COL16A1: variants seen among roughly 807,000 people sequenced by gnomAD.
COL16A1 encodes the protein collagen type XVI alpha 1 chain.
Under a neutral mutation model 266.3 loss-of-function variants are expected in COL16A1, and 189 were observed. The observed-to-expected ratio is 0.71, with a 90% confidence interval of 0.63 to 0.80. The LOEUF is 0.80. Ranked by LOEUF, COL16A1 falls within the 30% of genes least tolerant of loss-of-function variation. COL16A1 has a pLI of 0.00. For synonymous variants in COL16A1, 740 were observed against 782.3 expected (o/e 0.95, Z 0.90); for missense variants, 1,928 against 2,122.4 (o/e 0.91, Z 1.80).
At chr1:31,654,913 C>G in intron 67 of COL16A1, 55 bp from the exon 68 acceptor site, 1 of 1,605,768 alleles carries the variant, frequency 6.2e-7, no homozygotes, top group South Asian at 1.1e-5. Context: ...TGGCATTTTC[C>G]CCTATGGAAA....
chr1:31,702,061 C>T, intron 2 of COL16A1, 60 bp downstream of exon 2: 1 of 1,611,794 alleles, frequency 6.2e-7, no homozygotes, highest in Non-Finnish European at 8.5e-7. Flanking sequence ...GCAAGGACCC[C>T]AGCACCCCAG....
chr1:31,690,653 C>A, intron 20 of COL16A1, 80 bp from the exon 21 acceptor site: 1 of 1,558,310 alleles, frequency 6.4e-7, no homozygotes, highest in Non-Finnish European at 8.7e-7. Context: ...CACCCGTGCC[C>A]CTCTGTGATG....
At chr1:31,661,800 T>C in intron 58 of COL16A1, 96 bp from the exon 59 acceptor site, 1 of 1,310,652 alleles carries the variant, frequency 7.6e-7, no homozygotes. Flanking sequence ...CCTCCCCAGC[T>C]ATCCTAAGAT....
chr1:31,663,053 T>G lies in COL16A1; in HGVS notation c.3556-395A>C. ...TCCTCCCCACCTACCTCCCTACCTT[T>G]CCCCCCATCCCAGCAGACATGGGCC... On this transcript the variant is annotated intron_variant, in intron 56 of 70. Transcript: ENST00000373672. The surrounding 1 kb of genome is among the most constrained non-coding windows in gnomAD (Gnocchi z 4.9). The G allele has an allele frequency of 4.2e-6, 1 of 239,002 alleles. No homozygotes were observed. Among genetic ancestry groups the G allele is most frequent in the Non-Finnish European group, 8.3e-6 (1 of 119,884 alleles). 14.8% of individuals were successfully genotyped at this position (239,002 alleles called of 1,614,324 possible). A position where few individuals can be genotyped will look rare whatever the true frequency, so the allele number is the denominator to read the frequency against.
Position 31,653,669 on chromosome 1 carries a change from A to T in COL16A1, c.4542T>A (p.Pro1514=), listed in dbSNP as rs777773138. Residue 1514 remains proline, a synonymous_variant, in exon 70 of 71, where the codon CCT becomes CCA. Transcript: ENST00000373672. ...RQGLPGVRGL[P]GTKGEKGDIG... The stretch of plus-strand genomic sequence containing the variant: ...TGTCCCCTTTTTCACCTTTGGTACC[A>T]GGCAATCCTGGAACAAAAGAAATAA... The T allele has an allele frequency of 3.1e-6, 5 of 1,613,220 alleles. No homozygotes were observed. The Admixed American group carries it at 8.4e-5, about 27-fold the overall frequency.
Position 31,691,646 on chromosome 1 carries a change from T to TG in COL16A1, c.1258-5dup. ...CACAGATCTCTCCTGGCCGGCCCTG[T>TG]GGGGGGATAAGGGGGAGGGTGTACA... On this transcript the variant is annotated splice_region_variant and splice_polypyrimidine_tract_variant and intron_variant, in intron 17 of 70. Transcript: ENST00000373672. 1 of 1,613,078 alleles carries TG rather than the reference T, an allele frequency of 6.2e-7. No homozygotes were observed. The highest frequency in any genetic ancestry group is 1.7e-5 in the Admixed American group (1 of 59,946).
At chr1:31,703,530 G>T (rs528129151) in intron 1 of COL16A1, among the ~76,000 whole-genome samples, 5 of 152,270 alleles carry the variant, frequency 3.3e-5, no homozygotes, top group Admixed American at 3.3e-4. Flanking sequence ...GAGGCGTGAG[G>T]ATGGATGTGA....
chr1:31,664,079 T>C lies in COL16A1; in HGVS notation c.3555+1093A>G, dbSNP rs1396106326. 4.0e-5 allele frequency among the ~76,000 whole-genome samples: 6 copies of C among 149,690 alleles called. No individual in the cohort carries two copies. Among genetic ancestry groups the C allele is most frequent in the Admixed American group, 6.7e-5 (1 of 14,932 alleles). On this transcript the variant is annotated intron_variant, in intron 56 of 70. Coordinates refer to ENST00000373672, the MANE Select transcript of COL16A1 (RefSeq NM_001856.4). The surrounding 1 kb of genome is among the most constrained non-coding windows in gnomAD (Gnocchi z 5.5). Reference sequence around the variant, plus strand: ...ACTGGCAGTTGGGATGAAGAACCACTGGCCAGAGGTTTGGGATTCTCTGCA... The same window carrying C: ...ACTGGCAGTTGGGATGAAGAACCACCGGCCAGAGGTTTGGGATTCTCTGCA...
At chr1:31,691,052 A>G in intron 20 of COL16A1, 136 bp downstream of exon 20, 2 of 1,401,662 alleles carry the variant, frequency 1.4e-6, no homozygotes, top group Non-Finnish European at 1.9e-6. Flanking sequence ...GGCCAAGCCG[A>G]GCCCAGCCTC....
Position 31,661,664 on chromosome 1 carries a change from G to A in COL16A1, c.3722C>T (p.Pro1241Leu), listed in dbSNP as rs753757431. 8.1e-6 allele frequency: 13 copies of A among 1,613,202 alleles called. No individual in the cohort carries two copies. Among genetic ancestry groups the A allele is most frequent in the Non-Finnish European group, 9.3e-6 (11 of 1,179,720 alleles). The change falls in exon 59 of 71, where the codon CCA (proline) becomes CTA (leucine). Residue 1241 changes from proline (P) to leucine (L), a missense_variant. Pro to Leu is a moderately conservative substitution (Grantham distance 98). Transcript: ENST00000373672. ...CCTTCCTGCAGCTCAACTTACCGGTGGTCCCATGAGTCCAGGGGGGCCAGC... is the reference window on the plus strand; with the variant it reads ...CCTTCCTGCAGCTCAACTTACCGGTAGTCCCATGAGTCCAGGGGGGCCAGC... ...GPAGPPGLMG[P>L]PGFKGKTGHP...
chr1:31,667,890 C>G (rs1053236688), intron 51 of COL16A1, among the ~76,000 whole-genome samples: 1 of 152,146 alleles, frequency 6.6e-6, no homozygotes, highest in Non-Finnish European at 1.5e-5. Flanking sequence ...TCCCAAACCC[C>G]TCACCCCCAG....
At chr1:31,676,684 C>T (rs904815968) in intron 42 of COL16A1, among the ~76,000 whole-genome samples, 6 of 152,202 alleles carry the variant, frequency 3.9e-5, no homozygotes, top group Admixed American at 3.9e-4. Context: ...AAATCCATGC[C>T]ACCCGGACAA....
rs1033151877 is a variant in COL16A1, at chr1:31,684,230, C to A, written c.2162G>T (p.Gly721Val). 5 of 1,491,752 alleles carry A rather than the reference C, an allele frequency of 3.4e-6. No homozygotes were observed. The highest frequency in any genetic ancestry group is 2.8e-5 in the African/African-American group (2 of 71,378). The allele number at this position is 1,491,752 out of a possible 1,614,324, so 92.4% of individuals were successfully genotyped here. The part of the protein sequence containing the change: ...QGPAGPKGEK[G>V]DGCTACPSLQ... ...GCTGGGGCAGGCAGTGCAGCCATCACCCTGGTCAGAGATGGGTACAGCCAG... is the reference window on the plus strand; with the variant it reads ...GCTGGGGCAGGCAGTGCAGCCATCAACCTGGTCAGAGATGGGTACAGCCAG... Residue 721 changes from glycine (G) to valine (V), a missense_variant and splice_region_variant, in exon 32 of 71, where the codon GGT becomes GTT. Physicochemically the swap from Gly to Val is moderately radical, Grantham distance 109 (BLOSUM62 -3). This residue lies in a region of COL16A1 where 1,552 missense variants were observed against 1,637.2 expected (regional missense o/e 0.95). Transcript: ENST00000373672.
Position 31,690,376 on chromosome 1 carries a change from C to T in COL16A1, c.1500G>A (p.Lys500=). ...CAGGCCTAGGACTCACCTTCTCTCC[C>T]TTCACACCTGGCTTCCCCTGTTAGA... ...PGGKPGKPGV[K]GEKGDPCEVC... is the part of the protein sequence containing the mutation. The change falls in exon 22 of 71, where the codon AAG becomes AAA. Residue 500 remains lysine, a synonymous_variant. Transcript: ENST00000373672. 6.2e-7 allele frequency: 1 copy of T among 1,614,090 alleles called. No individual in the cohort carries two copies. The highest frequency in any genetic ancestry group is 8.5e-7 in the Non-Finnish European group (1 of 1,180,018).
At chr1:31,676,242 T>C (rs1410927084) in intron 42 of COL16A1, among the ~76,000 whole-genome samples, 1 of 151,356 alleles carries the variant, frequency 6.6e-6, no homozygotes, top group Admixed American at 6.6e-5. Flanking sequence ...GGAGAATCAC[T>C]TGAACCTGGG....
intron 40 of COL16A1, 21 bp downstream of exon 40, chr1:31,680,021 G>T (rs1453151654): frequency 6.2e-7 from 1 of 1,613,214 alleles, no homozygotes; most frequent in African/African-American, 1.3e-5. Flanking sequence ...GTTGGGGGAA[G>T]GCTCTCACAG....
In COL16A1 at chr1:31,699,697, G is replaced by C. The variant is rs1030964984; in HGVS notation, c.266+116C>G. 4 of 726,240 alleles carry C rather than the reference G, an allele frequency of 5.5e-6. No individual in the cohort carries two copies. The Admixed American group carries it at 8.8e-5, about 16-fold the overall frequency. The allele number at this position is 726,240 out of a possible 1,614,324, so 45.0% of individuals were successfully genotyped here. Reference sequence around the variant, plus strand: ...GGAGACCAGGTTGACTCCTGGCAGGGGCTGGGATGCAATGACCCACAGACA... The same window carrying C: ...GGAGACCAGGTTGACTCCTGGCAGGCGCTGGGATGCAATGACCCACAGACA... On this transcript the variant is annotated intron_variant, in intron 4 of 70. Coordinates refer to ENST00000373672, the MANE Select transcript of COL16A1 (RefSeq NM_001856.4).
In COL16A1 at chr1:31,659,018, G is replaced by C; in HGVS notation, c.3880-54C>G. ...AACAGGTTCTAATAGTAAGACCCCT[G>C]GGAGGCACAGGGCCTGACAGCAGAA... On this transcript the variant is annotated intron_variant, in intron 62 of 70. Coordinates refer to ENST00000373672, the MANE Select transcript of COL16A1 (RefSeq NM_001856.4). 4 of 1,490,180 alleles carry C rather than the reference G, an allele frequency of 2.7e-6. No individual in the cohort carries two copies. In the South Asian group the frequency reaches 3.6e-5, roughly 14 times the overall value. The allele number at this position is 1,490,180 out of a possible 1,614,324, so 92.3% of individuals were successfully genotyped here.
Position 31,676,363 on chromosome 1 carries a change from C to T in COL16A1, c.2773-1052G>A, listed in dbSNP as rs188149009. On this transcript the variant is annotated intron_variant, in intron 42 of 70. Coordinates refer to ENST00000373672, the MANE Select transcript of COL16A1 (RefSeq NM_001856.4). ...AAAAAGAACCCAGAGGAGTAAGTAA[C>T]TTGCCAAAGGTCACAAGTTGAGCAA... 3.0e-3 allele frequency among the ~76,000 whole-genome samples: 450 copies of T among 150,572 alleles called. 2 individuals are homozygous for T. The highest frequency in any genetic ancestry group is 4.4e-3 in the Admixed American group (67 of 15,118).
Sources: gnomAD v4.1 joint callset for allele counts (sites outside exome capture counted in the v4.1 genomes callset) on GRCh38, gnomAD v4.1.1 for gene constraint, gnomAD v4.1.1 regional missense constraint, Gnocchi (gnomAD v3.1) non-coding constraint, MANE v1.5 for transcripts, NCBI Gene and HGNC (gene_info 2026-07-23, HGNC 2026-07-21) for gene names.